Variants in PCDH9 observed in about 807,000 individuals in gnomAD.
The protein encoded by PCDH9 is protocadherin 9.
Under a neutral mutation model 70.6 loss-of-function variants are expected in PCDH9, and 24 were observed. The observed-to-expected ratio is 0.34, with a 90% CI of 0.25 to 0.48. The LOEUF is 0.48. PCDH9 is among the 20% of genes least tolerant of loss of function. The probability of loss-of-function intolerance (pLI) is 0.99; values close to 1 mark genes in which losing one functional copy is unlikely to be tolerated. For missense variants in PCDH9, 1,281 were observed against 1,503.6 expected, an observed-to-expected ratio of 0.85 and a Z score of 2.45; for synonymous variants, 562 against 558.5, an observed-to-expected ratio of 1.01 and a Z score of -0.09.
At chr13:66,541,251 A>C (rs148312604) in intron 4 of PCDH9, among the ~76,000 whole-genome samples, 2 of 152,180 alleles carry the variant, frequency 1.3e-5, no homozygotes, top group Non-Finnish European at 2.9e-5. Flanking sequence ...AAAGTCATTT[A>C]AGGTTTCTCT....
chr13:67,184,177 T>C (rs912422676), intron 2 of PCDH9, among the ~76,000 whole-genome samples: 1 of 152,218 alleles, frequency 6.6e-6, no homozygotes, highest in Non-Finnish European at 1.5e-5. Context: ...ATGTAGGTTA[T>C]AACTTCCTTC....
In PCDH9 at chr13:66,855,166, C is replaced by T. The variant is rs371300884; in HGVS notation, c.3138+48338G>A. Among the ~76,000 whole-genome samples, 28 of 152,176 alleles carry T rather than the reference C, an allele frequency of 1.8e-4. 1 individual carries two copies. The East Asian group carries it at 4.2e-3, about 23-fold the overall frequency. On this transcript the variant is annotated intron_variant, in intron 3 of 4. Coordinates refer to ENST00000377865, the MANE Select transcript of PCDH9 (RefSeq NM_203487.3). ...TGGGTTTGGCATTGTGCTACCAATG[C>T]TAATGGGAAGATGACTTGTCTGTGC...
intron 4 of PCDH9, among the ~76,000 whole-genome samples, chr13:66,341,760 C>G (rs1279530547): frequency 6.6e-6 from 1 of 151,980 alleles, no homozygotes; most frequent in Non-Finnish European, 1.5e-5. Context: ...AGGCACAGGA[C>G]TTTTGTATAG....
At chr13:66,712,912 G>A (rs1435490309) in intron 3 of PCDH9, among the ~76,000 whole-genome samples, 2 of 152,152 alleles carry the variant, frequency 1.3e-5, no homozygotes, top group Non-Finnish European at 2.9e-5. Flanking sequence ...AGGAGAAAGT[G>A]CTTGCAAACA....
chr13:66,443,569 A>G (rs568046637), intron 4 of PCDH9, among the ~76,000 whole-genome samples: 7 of 152,172 alleles, frequency 4.6e-5, no homozygotes, highest in African/African-American at 1.4e-4. Flanking sequence ...ATTTTCATGT[A>G]TTTTTTTCAA....
At chr13:66,541,912 T>G (rs1960973089) in intron 4 of PCDH9, among the ~76,000 whole-genome samples, 1 of 152,156 alleles carries the variant, frequency 6.6e-6, no homozygotes, top group African/African-American at 2.4e-5. Context: ...ATCTGTAAAT[T>G]GATTACTGTT....
At chr13:67,091,905 A>G (rs575607821) in intron 2 of PCDH9, among the ~76,000 whole-genome samples, 63 of 152,160 alleles carry the variant, frequency 4.1e-4, no homozygotes, top group African/African-American at 1.5e-3. Context: ...TGTTTTAAGG[A>G]TTATTTATTA....
chr13:66,597,883 A>G (rs567591295), intron 4 of PCDH9, among the ~76,000 whole-genome samples: 9 of 151,830 alleles, frequency 5.9e-5, no homozygotes, highest in African/African-American at 2.2e-4. Context: ...CAACTCAGTA[A>G]CAAATTTAAA....
chr13:66,823,203 A>G (rs2080745869), intron 3 of PCDH9, among the ~76,000 whole-genome samples: 1 of 151,848 alleles, frequency 6.6e-6, no homozygotes, highest in South Asian at 2.1e-4. Context: ...GGCCAAACAG[A>G]AAAAAAGCAG....
At chr13:66,399,454 T>C (rs1957153862) in intron 4 of PCDH9, among the ~76,000 whole-genome samples, 1 of 152,172 alleles carries the variant, frequency 6.6e-6, no homozygotes, top group Non-Finnish European at 1.5e-5. Context: ...CTTTTGGCCA[T>C]GCTTAAAATA....
At chr13:67,015,355 A>G (rs916716282) in intron 2 of PCDH9, among the ~76,000 whole-genome samples, 8 of 152,130 alleles carry the variant, frequency 5.3e-5, no homozygotes. Flanking sequence ...GGAATGTGGG[A>G]TACAGAAGAT....
intron 4 of PCDH9, among the ~76,000 whole-genome samples, chr13:66,492,165 T>A (rs939188061): frequency 2.0e-5 from 3 of 152,110 alleles, no homozygotes; most frequent in African/African-American, 7.2e-5. Flanking sequence ...TACTACTTTT[T>A]CATGATTTAT....
At chr13:67,206,516 G>A (rs1030583245) in intron 2 of PCDH9, 4 of 152,120 alleles carry the variant, frequency 2.6e-5, no homozygotes, top group African/African-American at 9.7e-5. Flanking sequence ...TGGTATATTT[G>A]TAAAACTGTA....
intron 2 of PCDH9, among the ~76,000 whole-genome samples, chr13:67,136,443 T>G (rs528271898): frequency 6.6e-6 from 1 of 152,194 alleles, no homozygotes; most frequent in African/African-American, 2.4e-5. Flanking sequence ...TTTCTCTTCA[T>G]GTGTGCCTGT....
chr13:67,070,090 AAAAT>A (rs2085730710), intron 2 of PCDH9, among the ~76,000 whole-genome samples: 1 of 126,480 alleles, frequency 7.9e-6, no homozygotes, highest in Non-Finnish European at 1.8e-5. Flanking sequence ...TATTTTAAAT[AAAAT>A]AGAGTTATTT....
chr13:66,639,975 T>C (rs1399156746), intron 3 of PCDH9, among the ~76,000 whole-genome samples: 1 of 152,136 alleles, frequency 6.6e-6, no homozygotes, highest in African/African-American at 2.4e-5. Context: ...CTATTAATGA[T>C]ATGTACAGAA....
At chr13:67,185,854 T>C (rs2088742615) in intron 2 of PCDH9, among the ~76,000 whole-genome samples, 1 of 152,168 alleles carries the variant, frequency 6.6e-6, no homozygotes, top group African/African-American at 2.4e-5. Context: ...TGCTTCGGCC[T>C]CCCAAGTAGC....
intron 2 of PCDH9, chr13:67,214,970 A>G (rs2089566129): frequency 8.3e-6 from 1 of 120,528 alleles, no homozygotes; most frequent in Admixed American, 9.4e-5. Flanking sequence ...ATATATATAT[A>G]TATTCACTTA....
chr13:67,145,440 C>T (rs1342026699), intron 2 of PCDH9, among the ~76,000 whole-genome samples: 1 of 151,748 alleles, frequency 6.6e-6, no homozygotes, highest in African/African-American at 2.4e-5. Context: ...CATTTAGTAC[C>T]ACAGAAGCTC....
Sources: gnomAD v4.1 joint callset for allele counts (sites outside exome capture counted in the v4.1 genomes callset) on GRCh38, gnomAD v4.1.1 for gene constraint, MANE v1.5 for transcripts, NCBI Gene and HGNC (gene_info 2026-07-23, HGNC 2026-07-21) for gene names.